GLB1L3: variants seen among roughly 807,000 people sequenced by gnomAD.
The protein encoded by GLB1L3 is beta-galactosidase-1-like protein 3.
In GLB1L3, 89 loss-of-function variants were observed where a neutral mutation model predicts 89.5. The ratio of observed to expected loss-of-function variants is 0.99; its 90% CI spans 0.84 to 1.19. GLB1L3 has a LOEUF of 1.19. Ranked by LOEUF, GLB1L3 falls within the 50% of genes most tolerant of loss-of-function variation. The probability of loss-of-function intolerance (pLI) is 0.00; values close to 1 mark genes in which losing one functional copy is unlikely to be tolerated. For synonymous variants in GLB1L3, 314 were observed against 312.3 expected (o/e 1.01, Z -0.06); for missense variants, 812 against 813.3 (o/e 1.00, Z 0.02).
chr11:134,282,509 G>A (rs1457462967), intron 5 of GLB1L3, among the ~76,000 whole-genome samples: 1 of 152,196 alleles, frequency 6.6e-6, no homozygotes, highest in African/African-American at 2.4e-5. Flanking sequence ...GAAGCTTTAA[G>A]GCCTGCAAGG....
intron 11 of GLB1L3, chr11:134,310,238 G>T: frequency 2.7e-6 from 1 of 373,884 alleles, no homozygotes; most frequent in Non-Finnish European, 4.9e-6. Flanking sequence ...AACACAAAAT[G>T]TTTTAAGAAA....
At position 134,277,808 on chromosome 11, in the gene GLB1L3, G is replaced by A; in HGVS notation, c.258G>A (p.Lys86=). 1.2e-6 allele frequency: 2 copies of A among 1,613,982 alleles called. No individual in the cohort carries two copies. The highest frequency in any genetic ancestry group is 1.7e-6 in the Non-Finnish European group (2 of 1,180,014). Residue 86 remains lysine (K), a synonymous_variant, in exon 3 of 20, where the codon AAG becomes AAA. Transcript: ENST00000431683. The part of the protein sequence containing the change: ...GKPHFTLEGH[K]FLIFGGSIHY... ...CCCACTTCACACTGGAGGGCCACAA[G>A]TTCCTGATCTTCGGGGGCTCCATCC...
chr11:134,318,809 AG>A (rs1943089175), intron 19 of GLB1L3, 62 bp downstream of exon 19: 8 of 1,534,708 alleles, frequency 5.2e-6, no homozygotes, highest in South Asian at 4.5e-5. Flanking sequence ...TGTGAGTTGC[AG>A]TGTCTTTTTC....
chr11:134,308,253 T>A lies in GLB1L3; in HGVS notation c.961+1045T>A, dbSNP rs868500823. On this transcript the variant is annotated intron_variant, in intron 10 of 19. Transcript: ENST00000431683. ...ACCACCACCATCACCATCACCACCA[T>A]CACCACCACCACCACCACCACCACC... 1.9e-4 allele frequency among the ~76,000 whole-genome samples: 4 copies of A among 21,560 alleles called. 1 individual carries two copies. Among genetic ancestry groups the A allele is most frequent in the South Asian group, 1.7e-3 (1 of 588 alleles). The allele number at this position is 21,560 out of a possible 152,430, so 14.1% of individuals were successfully genotyped here. A position where few individuals can be genotyped will look rare whatever the true frequency, so the allele number is the denominator to read the frequency against.
rs1943125903 is a variant in GLB1L3, at chr11:134,319,553, AAAC to A, written c.*614_*616del. ...CTTTGAGTAGATGTGAATAAAATAA[AAAC>A]AAGTTTCATTTCTGCCTCCCATACT... is the stretch of plus-strand genomic sequence containing the variant. On this transcript the variant is annotated 3_prime_UTR_variant, in exon 20 of 20. Coordinates refer to ENST00000431683, the MANE Select transcript of GLB1L3 (RefSeq NM_001080407.3). 1 of 152,168 alleles carries A rather than the reference AAAC, an allele frequency of 6.6e-6. No individual in the cohort carries two copies. Among genetic ancestry groups the A allele is most frequent in the African/African-American group, 2.4e-5 (1 of 41,434 alleles). 9.4% of individuals were successfully genotyped at this position (152,168 alleles called of 1,614,324 possible).
intron 6 of GLB1L3, among the ~76,000 whole-genome samples, chr11:134,286,745 C>G (rs1191589746): frequency 3.3e-5 from 5 of 150,926 alleles, no homozygotes; most frequent in African/African-American, 4.9e-5. Flanking sequence ...CCACCGCACT[C>G]CAGCCTGGGC....
rs1473941126 is a variant in GLB1L3, at chr11:134,276,501, A to G, written c.-240A>G. On this transcript the variant is annotated 5_prime_UTR_variant, in exon 1 of 20. Coordinates refer to ENST00000431683, the MANE Select transcript of GLB1L3 (RefSeq NM_001080407.3). ...GTCCGCGCCCGGACGCACTGCGGGA[A>G]CACCTGGAGCGCCGGCGGAGCTCGG... 2.7e-6 allele frequency: 1 copy of G among 368,976 alleles called. No individual in the cohort carries two copies. Among genetic ancestry groups the G allele is most frequent in the East Asian group, 4.1e-5 (1 of 24,628 alleles). 22.9% of individuals were successfully genotyped at this position (368,976 alleles called of 1,614,324 possible). A position where few individuals can be genotyped will look rare whatever the true frequency, so the allele number is the denominator to read the frequency against.
chr11:134,314,302 C>T (rs1327987614), intron 17 of GLB1L3, 28 bp from the exon 18 acceptor site: 6 of 1,458,026 alleles, frequency 4.1e-6, no homozygotes, highest in Admixed American at 4.4e-5. Context: ...GGGACTTCTT[C>T]TCCCCCATGG....
intron 7 of GLB1L3, among the ~76,000 whole-genome samples, chr11:134,289,283 C>G (rs1019947070): frequency 6.6e-6 from 1 of 151,998 alleles, no homozygotes; most frequent in Non-Finnish European, 1.5e-5. Context: ...TGGTAAAGGT[C>G]TTTATCCTCA....
intron 3 of GLB1L3, among the ~76,000 whole-genome samples, chr11:134,280,086 G>GTGCT (rs1486210829): frequency 1.3e-5 from 2 of 152,164 alleles, no homozygotes; most frequent in African/African-American, 4.8e-5. Flanking sequence ...TTGCTATATA[G>GTGCT]TGCTTTGAAT....
intron 7 of GLB1L3, 83 bp from the exon 8 acceptor site, chr11:134,292,049 C>T (rs1169156841): frequency 2.2e-6 from 2 of 907,244 alleles, no homozygotes; most frequent in Non-Finnish European, 3.6e-6. Flanking sequence ...ATGCAGAACC[C>T]ATGAATATGG....
At chr11:134,292,257 C>T (rs1466806610) in intron 8 of GLB1L3, 44 bp downstream of exon 8, 6 of 1,444,180 alleles carry the variant, frequency 4.2e-6, no homozygotes, top group Non-Finnish European at 5.8e-6. Context: ...GGCTCTCAGC[C>T]AGCCCGTGTA....
At chr11:134,286,907 T>TC (rs1941029195) in intron 6 of GLB1L3, among the ~76,000 whole-genome samples, 3 of 151,632 alleles carry the variant, frequency 2.0e-5, no homozygotes, top group Non-Finnish European at 4.4e-5. Context: ...ACACCTGTAA[T>TC]TCCAGCACTT....
intron 13 of GLB1L3, chr11:134,311,907 C>T (rs144666821): frequency 8.1e-4 from 126 of 154,762 alleles, no homozygotes; most frequent in East Asian, 5.4e-3. Context: ...AGCAATCCTC[C>T]GGCCTCAGCC....
rs570258570 is a variant in GLB1L3, at chr11:134,311,353, G to A, written c.1287+183G>A. 1.2e-5 allele frequency: 7 copies of A among 604,434 alleles called. No homozygotes were observed. In the East Asian group the frequency reaches 2.0e-4, roughly 17 times the overall value. 37.4% of individuals were successfully genotyped at this position (604,434 alleles called of 1,614,324 possible). On this transcript the variant is annotated intron_variant, in intron 13 of 19. Coordinates refer to ENST00000431683, the MANE Select transcript of GLB1L3 (RefSeq NM_001080407.3). ...GACTGTGAAGGGGTTTGACCTTGGA[G>A]TCAGTGTGCAGGGGAGGGGCAGCAG...
intron 5 of GLB1L3, among the ~76,000 whole-genome samples, chr11:134,282,329 G>A (rs1049517638): frequency 1.3e-5 from 2 of 152,078 alleles, no homozygotes; most frequent in African/African-American, 2.4e-5. Flanking sequence ...TGTCATCCCC[G>A]ATTCACAGAT....
At chr11:134,283,141 C>T (rs972447431) in intron 5 of GLB1L3, among the ~76,000 whole-genome samples, 1 of 152,086 alleles carries the variant, frequency 6.6e-6, no homozygotes, top group African/African-American at 2.4e-5. Context: ...CGGCTTGCTG[C>T]AACCTCTGCC....
chr11:134,291,998 A>T (rs984289260), intron 7 of GLB1L3, 134 bp from the exon 8 acceptor site: 1 of 660,104 alleles, frequency 1.5e-6, no homozygotes, highest in South Asian at 2.2e-5. Flanking sequence ...AAAATTAAAA[A>T]AGTAAAAACA....
chr11:134,318,498 A>G (rs1943073655), intron 18 of GLB1L3, 133 bp from the exon 19 acceptor site: 7 of 630,078 alleles, frequency 1.1e-5, no homozygotes, highest in South Asian at 1.9e-5. Context: ...GTTCTATAAC[A>G]TATCCCACTC....
Sources: gnomAD v4.1 joint callset for allele counts (sites outside exome capture counted in the v4.1 genomes callset) on GRCh38, gnomAD v4.1.1 for gene constraint, MANE v1.5 for transcripts, NCBI Gene and HGNC (gene_info 2026-07-23, HGNC 2026-07-21) for gene names.